MGAT4C: variants seen among roughly 807,000 people sequenced by gnomAD.
The protein encoded by MGAT4C is alpha-1,3-mannosyl-glycoprotein 4-beta-N-acetylglucosaminyltransferase C.
A neutral mutation model predicts 40.1 loss-of-function variants in MGAT4C; 19 were observed. The ratio of observed to expected loss-of-function variants is 0.47; its 90% confidence interval spans 0.33 to 0.70. The LOEUF (loss-of-function observed/expected upper bound fraction) is 0.70. MGAT4C is among the 30% of genes least tolerant of loss of function. The probability of loss-of-function intolerance (pLI) is 0.02; values close to 1 mark genes in which losing one functional copy is unlikely to be tolerated. For missense variants in MGAT4C, 491 were observed against 563.2 expected (o/e 0.87, Z 1.30); for synonymous variants, 181 against 187.1 (o/e 0.97, Z 0.27).
intron 2 of MGAT4C, among the ~76,000 whole-genome samples, chr12:86,704,695 C>T (rs1950424863): frequency 6.6e-6 from 1 of 152,010 alleles, no homozygotes; most frequent in Non-Finnish European, 1.5e-5. Context: ...TGACAGTAAA[C>T]ATGATTGGCA....
intron 1 of MGAT4C, among the ~76,000 whole-genome samples, chr12:86,166,430 G>T (rs997149131): frequency 1.3e-5 from 2 of 152,192 alleles, no homozygotes; most frequent in African/African-American, 4.8e-5. Context: ...TCAGCAGCTT[G>T]GGAGGCCAAG....
At chr12:86,285,439 C>T (rs1953329695) in intron 4 of MGAT4C, among the ~76,000 whole-genome samples, 1 of 151,930 alleles carries the variant, frequency 6.6e-6, no homozygotes, top group South Asian at 2.1e-4. Flanking sequence ...CTCATTTATA[C>T]AACACACAAC....
intron 1 of MGAT4C, among the ~76,000 whole-genome samples, chr12:86,081,273 C>A (rs976051084): frequency 6.6e-6 from 1 of 152,132 alleles, no homozygotes; most frequent in Non-Finnish European, 1.5e-5. Flanking sequence ...AATGAATTGA[C>A]TTTTATTGTC....
intron 2 of MGAT4C, among the ~76,000 whole-genome samples, chr12:86,438,071 A>G (rs1322352620): frequency 2.0e-5 from 3 of 151,968 alleles, no homozygotes; most frequent in South Asian, 2.1e-4. Flanking sequence ...AAAAGCCAAG[A>G]TAGGCTAAAA....
intron 1 of MGAT4C, among the ~76,000 whole-genome samples, chr12:86,211,677 G>T (rs1485016443): frequency 6.6e-6 from 1 of 152,082 alleles, no homozygotes; most frequent in African/African-American, 2.4e-5. Flanking sequence ...GTCTTAAGTT[G>T]GTTGTCTCTG....
At position 85,962,483 on chromosome 12, in the gene MGAT4C, C is replaced by CT. The variant is rs1183238647; in HGVS notation, c.*16805dup. ...ATTAACAATAATTGAACATTGTTTA[C>CT]TTTTTTATCCTCACAACAATTCAAC... On this transcript the variant is annotated 3_prime_UTR_variant, in exon 5 of 5. Transcript: ENST00000611864. The CT allele has an allele frequency of 6.8e-6, 1 of 147,720 alleles. No homozygotes were observed. The highest frequency in any genetic ancestry group is 1.5e-5 in the Non-Finnish European group (1 of 66,732). The allele number at this position is 147,720 out of a possible 1,614,324, so 9.2% of individuals were successfully genotyped here.
chr12:86,693,868 T>C (rs1383190760), intron 2 of MGAT4C, among the ~76,000 whole-genome samples: 3 of 152,148 alleles, frequency 2.0e-5, no homozygotes, highest in Non-Finnish European at 4.4e-5. Context: ...TCATTCTGTT[T>C]TGAAAACTCA....
chr12:86,436,434 G>T (rs979813677), intron 2 of MGAT4C, among the ~76,000 whole-genome samples: 8 of 151,648 alleles, frequency 5.3e-5, no homozygotes, highest in Non-Finnish European at 3.0e-5. Flanking sequence ...AGTGTGGGGG[G>T]AGAAGACCTA....
At chr12:86,228,404 A>G (rs1951181663) in intron 1 of MGAT4C, among the ~76,000 whole-genome samples, 1 of 151,896 alleles carries the variant, frequency 6.6e-6, no homozygotes. Flanking sequence ...TAAATCTAAA[A>G]TGCACACAAT....
intron 2 of MGAT4C, among the ~76,000 whole-genome samples, chr12:86,043,507 T>C (rs1397003204): frequency 6.6e-6 from 1 of 152,186 alleles, no homozygotes; most frequent in African/African-American, 2.4e-5. Flanking sequence ...TCCACATTCT[T>C]CTACCTGCTT....
At chr12:85,980,649 A>G (rs1884479715) in intron 4 of MGAT4C, among the ~76,000 whole-genome samples, 1 of 152,140 alleles carries the variant, frequency 6.6e-6, no homozygotes, top group South Asian at 2.1e-4. Context: ...AAAAATAAAT[A>G]GCACCTTAAT....
At position 85,967,628 on chromosome 12, in the gene MGAT4C, G is replaced by T. The variant is rs1883427469; in HGVS notation, c.*11661C>A. 2.6e-5 allele frequency: 4 copies of T among 152,082 alleles called. No individual in the cohort carries two copies. In the South Asian group the frequency reaches 8.3e-4, roughly 32 times the overall value. 9.4% of individuals were successfully genotyped at this position (152,082 alleles called of 1,614,324 possible). On this transcript the variant is annotated 3_prime_UTR_variant, in exon 5 of 5. Transcript: ENST00000611864. ...TCATTTTAGCTAGCAACACTATGTAGAAAAATATTTTAAATAAGACAGAGC... is the reference window on the plus strand; with the variant it reads ...TCATTTTAGCTAGCAACACTATGTATAAAAATATTTTAAATAAGACAGAGC...
chr12:86,833,325 T>C (rs1264450661), intron 1 of MGAT4C, among the ~76,000 whole-genome samples: 1 of 151,872 alleles, frequency 6.6e-6, no homozygotes. Flanking sequence ...TGCAACAGAA[T>C]CTTATGTGGC....
chr12:86,501,029 G>T (rs1958331274), intron 2 of MGAT4C, among the ~76,000 whole-genome samples: 1 of 151,990 alleles, frequency 6.6e-6, no homozygotes, highest in Non-Finnish European at 1.5e-5. Context: ...GCCTTGATGG[G>T]AGTTCTGGAA....
chr12:86,785,676 T>G (rs144271336), intron 1 of MGAT4C, among the ~76,000 whole-genome samples: 1 of 151,950 alleles, frequency 6.6e-6, no homozygotes, highest in East Asian at 1.9e-4. Flanking sequence ...ATTTCAGTGT[T>G]TTGATGTTAA....
rs60412184 is a variant in MGAT4C at position 86,537,381 on chromosome 12, A to AT, written c.-228-102117_-228-102116insA. 3.3e-3 allele frequency among the ~76,000 whole-genome samples: 502 copies of AT among 152,084 alleles called. 1 individual carries two copies. Among genetic ancestry groups the AT allele is most frequent in the African/African-American group, 0.012 (485 of 41,438 alleles). On this transcript the variant is annotated intron_variant, in intron 2 of 7. Coordinates refer to the MGAT4C transcript ENST00000548651. ...AAACTTAAAGTATAACAAAAAAAAA[A>AT]CAACAGTTAAGGCTTTTTCATACTT...
At chr12:86,799,374 G>T (rs1303108207) in intron 1 of MGAT4C, among the ~76,000 whole-genome samples, 2 of 151,676 alleles carry the variant, frequency 1.3e-5, no homozygotes, top group Non-Finnish European at 2.9e-5. Flanking sequence ...AAAATTTTCA[G>T]GTTTAAATAG....
intron 1 of MGAT4C, among the ~76,000 whole-genome samples, chr12:86,120,879 G>A (rs992872572): frequency 6.6e-6 from 1 of 152,188 alleles, no homozygotes; most frequent in Non-Finnish European, 1.5e-5. Flanking sequence ...ATGGAACAAA[G>A]CTGGACAGAG....
intron 1 of MGAT4C, among the ~76,000 whole-genome samples, chr12:86,173,555 T>G (rs570994013): frequency 6.6e-6 from 1 of 152,274 alleles, no homozygotes; most frequent in African/African-American, 2.4e-5. Context: ...ATTATAAATA[T>G]ATCACATTTA....
Sources: allele counts gnomAD v4.1 joint callset (sites outside exome capture counted in the v4.1 genomes callset), GRCh38; gene constraint gnomAD v4.1.1; transcripts MANE v1.5; gene names NCBI Gene and HGNC (gene_info 2026-07-23, HGNC 2026-07-21).